IBTK: variants seen among roughly 807,000 people sequenced by gnomAD.
IBTK encodes the protein inhibitor of Bruton tyrosine kinase, also known as BTK-binding protein.
IBTK carries 83 observed loss-of-function variants against 154.9 expected under a neutral mutation model. The observed-to-expected ratio is 0.54, with a 90% CI of 0.45 to 0.64. IBTK has a LOEUF of 0.64. Among genes scored for constraint, IBTK ranks in the 30% least tolerant of loss-of-function variants. The pLI, the probability that IBTK is intolerant of heterozygous loss-of-function variation, is 0.00. For missense variants in IBTK, 1,332 were observed against 1,584.6 expected (o/e 0.84, Z 2.71); for synonymous variants, 515 against 536.1 (o/e 0.96, Z 0.54).
intron 25 of IBTK, among the ~76,000 whole-genome samples, chr6:82,184,015 T>C (rs756360067): frequency 6.6e-6 from 1 of 152,228 alleles, no homozygotes; most frequent in Non-Finnish European, 1.5e-5. Context: ...TAAATATCTG[T>C]TCATTATAAA....
In IBTK at chr6:82,191,171, T is replaced by C; in HGVS notation, c.3477A>G (p.Lys1159=). 6 of 1,610,198 alleles carry C rather than the reference T, an allele frequency of 3.7e-6. No individual in the cohort carries two copies. The highest frequency in any genetic ancestry group is 5.1e-6 in the Non-Finnish European group (6 of 1,178,504). The change falls in exon 25 of 29, where the codon AAA becomes AAG. Residue 1159 remains lysine, a synonymous_variant. Coordinates refer to ENST00000306270, the MANE Select transcript of IBTK (RefSeq NM_015525.4). ...HGVKLSQKQR[K]MIALTTKENN... ...TTTCCTTGGTAGTCAATGCAATCAT[T>C]TTTCGTTGCTTCTGAGAAAGTTTAA...
intron 13 of IBTK, among the ~76,000 whole-genome samples, chr6:82,212,505 C>T (rs573812155): frequency 6.6e-6 from 1 of 152,188 alleles, no homozygotes; most frequent in African/African-American, 2.4e-5. Context: ...AAAGAAAAAA[C>T]TCCTTTGATG....
rs371141861 is a variant in IBTK, at chr6:82,200,200, C to T, written c.2966G>A (p.Arg989His). 45 of 1,613,540 alleles carry T rather than the reference C, an allele frequency of 2.8e-5. No individual in the cohort carries two copies. Among genetic ancestry groups the T allele is most frequent in the Admixed American group, 1.0e-4 (6 of 59,950 alleles). Residue 989 changes from arginine to histidine, a missense_variant, in exon 21 of 29, where the codon CGT becomes CAT. Transcript: ENST00000306270. ...KTKAKKKPRK[R>H]SDSSGGYNLS... ...GTTATAACCTCCAGAACTATCTGAA[C>T]GTTTACGTGGCTTCTTTTTAGCTTT...
In IBTK at chr6:82,211,262, G is replaced by A. The variant is rs983931089; in HGVS notation, c.2412+105C>T. 6 of 836,410 alleles carry A rather than the reference G, an allele frequency of 7.2e-6. No homozygotes were observed. In the African/African-American group the frequency reaches 8.7e-5, roughly 12 times the overall value. 51.8% of individuals were successfully genotyped at this position (836,410 alleles called of 1,614,324 possible). A position where few individuals can be genotyped will look rare whatever the true frequency, so the allele number is the denominator to read the frequency against. On this transcript the variant is annotated intron_variant, in intron 15 of 28. Coordinates refer to ENST00000306270, the MANE Select transcript of IBTK (RefSeq NM_015525.4). ...TAAAGTTTAATATAAATGAAAAACT[G>A]AGCTAAAATATCCAGTTCTGATTTT...
chr6:82,246,322 T>C (rs1462935048), intron 1 of IBTK, among the ~76,000 whole-genome samples: 1 of 151,262 alleles, frequency 6.6e-6, no homozygotes, highest in African/African-American at 2.4e-5. Context: ...CACATCACCA[T>C]GCCTGGCTGA....
chr6:82,216,255 TAA>T lies in IBTK; in HGVS notation c.1427-7_1427-6del. ...TGTGAAGGTTTGATAAAATCTCTGTTAAAAAAAAATAAACTACCATTAATCAA... is the reference window on the plus strand; with the variant it reads ...TGTGAAGGTTTGATAAAATCTCTGTTAAAAAAATAAACTACCATTAATCAA... On this transcript the variant is annotated splice_region_variant and splice_polypyrimidine_tract_variant and intron_variant, in intron 10 of 28. Coordinates refer to ENST00000306270, the MANE Select transcript of IBTK (RefSeq NM_015525.4). The T allele has an allele frequency of 6.6e-7, 1 of 1,525,996 alleles. No individual in the cohort carries two copies. The highest frequency in any genetic ancestry group is 8.9e-7 in the Non-Finnish European group (1 of 1,126,812). 94.5% of individuals were successfully genotyped at this position (1,525,996 alleles called of 1,614,324 possible).
At chr6:82,187,802 CAT>C (rs1768608171) in intron 25 of IBTK, among the ~76,000 whole-genome samples, 1 of 152,132 alleles carries the variant, frequency 6.6e-6, no homozygotes, top group Non-Finnish European at 1.5e-5. Flanking sequence ...TCCATATGGT[CAT>C]ATTACTACAT....
In IBTK at chr6:82,185,201, A is replaced by C. The variant is rs1038864011; in HGVS notation, c.3576-3173T>G. Among the ~76,000 whole-genome samples, 10 of 151,444 alleles carry C rather than the reference A, an allele frequency of 6.6e-5. No homozygotes were observed. In the East Asian group the frequency reaches 9.7e-4, roughly 15 times the overall value. ...CTGTCTCAGAAAAAAAAAAAAAAAA[A>C]AAAAACAGATAAATCATCACAGTCA... On this transcript the variant is annotated intron_variant, in intron 25 of 28. Transcript: ENST00000306270.
chr6:82,215,462 T>C (rs1376615952), intron 11 of IBTK, among the ~76,000 whole-genome samples: 1 of 152,112 alleles, frequency 6.6e-6, no homozygotes, highest in Non-Finnish European at 1.5e-5. Flanking sequence ...TTTTTCAGAA[T>C]CTGAGAACCC....
intron 5 of IBTK, among the ~76,000 whole-genome samples, 162 bp from the exon 6 acceptor site, chr6:82,225,809 T>A (rs111713252): frequency 1.3e-5 from 2 of 152,148 alleles, no homozygotes; most frequent in African/African-American, 4.8e-5. Flanking sequence ...GGTAGATGAG[T>A]TTAAAAGGAT....
At chr6:82,225,792 A>C (rs1182850385) in intron 5 of IBTK, 145 bp from the exon 6 acceptor site, 4 of 605,298 alleles carry the variant, frequency 6.6e-6, no homozygotes, top group Non-Finnish European at 1.1e-5. Flanking sequence ...TCTACATTTC[A>C]GCAAAGGGTA....
In IBTK at chr6:82,223,435, C is replaced by T; in HGVS notation, c.1124+5G>A. ...ATTACGTTTCTTTCACAGAAATACACATACTTAGAAGCCATCTTCTTGCAC... is the reference window on the plus strand; with the variant it reads ...ATTACGTTTCTTTCACAGAAATACATATACTTAGAAGCCATCTTCTTGCAC... On this transcript the variant is annotated splice_donor_5th_base_variant and intron_variant, in intron 8 of 28. Transcript: ENST00000306270. The T allele has an allele frequency of 6.2e-7, 1 of 1,600,882 alleles. No individual in the cohort carries two copies. Among genetic ancestry groups the T allele is most frequent in the Non-Finnish European group, 8.5e-7 (1 of 1,172,690 alleles).
At chr6:82,247,066 C>T (rs780095059) in intron 1 of IBTK, among the ~76,000 whole-genome samples, 1 of 152,072 alleles carries the variant, frequency 6.6e-6, no homozygotes, top group Admixed American at 6.5e-5. Context: ...CTCAACCCTC[C>T]ACCCTCCAAA....
intron 16 of IBTK, among the ~76,000 whole-genome samples, chr6:82,206,766 C>T (rs143305858): frequency 3.2e-4 from 48 of 151,884 alleles, no homozygotes; most frequent in Middle Eastern, 3.4e-3. Flanking sequence ...AGAATAAATC[C>T]AAAACGAAAG....
rs1258799590 is a variant in IBTK, at chr6:82,172,388, G to A, written c.3922C>T (p.Leu1308=). 2 of 1,613,370 alleles carry A rather than the reference G, an allele frequency of 1.2e-6. No individual in the cohort carries two copies. The change falls in exon 28 of 29, where the codon CTG becomes TTG. Residue 1308 remains leucine (L), a synonymous_variant. Coordinates refer to ENST00000306270, the MANE Select transcript of IBTK (RefSeq NM_015525.4). ...CTAAGTATGTTATTTACCTGAATCAGAGCCAACGGTTTTTCTCGACTTCTA... is the reference window on the plus strand; with the variant it reads ...CTAAGTATGTTATTTACCTGAATCAAAGCCAACGGTTTTTCTCGACTTCTA... ...LIRSREKPLA[L]IQIEEHAIQD...
intron 26 of IBTK, among the ~76,000 whole-genome samples, chr6:82,174,161 G>A (rs528802180): frequency 6.6e-6 from 1 of 152,006 alleles, no homozygotes; most frequent in South Asian, 2.1e-4. Flanking sequence ...GACTAGACAG[G>A]TTTAACAACA....
At chr6:82,180,083 TG>T (rs1264500070) in intron 26 of IBTK, among the ~76,000 whole-genome samples, 1 of 40,326 alleles carries the variant, frequency 2.5e-5, no homozygotes, top group Non-Finnish European at 5.3e-5. Context: ...GCATAATGTT[TG>T]ACACAAAGCT....
chr6:82,189,460 C>T lies in IBTK; in HGVS notation c.3575+1613G>A, dbSNP rs371326489. ...AAAAACATTTTCATGAATATACGAGCTCCAAAAATATATGTCTTATACATC... is the reference window on the plus strand; with the variant it reads ...AAAAACATTTTCATGAATATACGAGTTCCAAAAATATATGTCTTATACATC... On this transcript the variant is annotated intron_variant, in intron 25 of 28. Coordinates refer to ENST00000306270, the MANE Select transcript of IBTK (RefSeq NM_015525.4). Among the ~76,000 whole-genome samples the T allele has an allele frequency of 5.3e-5, 8 of 152,200 alleles. No individual in the cohort carries two copies. The East Asian group carries it at 5.8e-4, about 11-fold the overall frequency.
intron 1 of IBTK, among the ~76,000 whole-genome samples, chr6:82,243,146 C>T (rs868077353): frequency 1.3e-5 from 2 of 150,262 alleles, no homozygotes; most frequent in Admixed American, 1.3e-4. Context: ...GAGGCTGAGG[C>T]AGGAGAATGG....
Sources: gnomAD v4.1 joint callset for allele counts (sites outside exome capture counted in the v4.1 genomes callset) on GRCh38, gnomAD v4.1.1 for gene constraint, MANE v1.5 for transcripts, NCBI Gene and HGNC (gene_info 2026-07-23, HGNC 2026-07-21) for gene names.